The following NOS1AP variants were observed in gnomAD, a reference collection of about 807,000 sequenced individuals.
The protein encoded by NOS1AP is carboxyl-terminal PDZ ligand of neuronal nitric oxide synthase protein.
Under a neutral mutation model 56.2 loss-of-function variants are expected in NOS1AP, and 21 were observed. The observed-to-expected ratio is 0.37, with a 90% CI of 0.26 to 0.54. NOS1AP has a LOEUF of 0.54. NOS1AP is among the 20% of genes least tolerant of loss of function. The pLI is 0.84. For missense variants in NOS1AP, 522 were observed against 657.8 expected (o/e 0.79, Z 2.26); for synonymous variants, 270 against 274.6 (o/e 0.98, Z 0.17).
chr1:162,204,508 A>G (rs957226337), intron 2 of NOS1AP, among the ~76,000 whole-genome samples: 3 of 152,200 alleles, frequency 2.0e-5, no homozygotes, highest in Non-Finnish European at 2.9e-5. Flanking sequence ...AAGTGCAGCG[A>G]ATGGCCAGCC....
rs1285856757 is a variant in NOS1AP, at chr1:162,286,407, CT to C, written c.178-935del. Among the ~76,000 whole-genome samples the C allele has an allele frequency of 2.6e-5, 4 of 152,220 alleles. No homozygotes were observed. In the East Asian group the frequency reaches 7.7e-4, roughly 29 times the overall value. Reference sequence around the variant, plus strand: ...GTAGCCCAGATGTTTGATTGGAGAGCTTGCAAGTGAAGTTTGCTAGGCGGTG... The same window carrying C: ...GTAGCCCAGATGTTTGATTGGAGAGCTGCAAGTGAAGTTTGCTAGGCGGTG... On this transcript the variant is annotated intron_variant, in intron 2 of 9. Coordinates refer to ENST00000361897, the MANE Select transcript of NOS1AP (RefSeq NM_014697.3).
chr1:162,126,932 A>G (rs1022358075), intron 1 of NOS1AP, among the ~76,000 whole-genome samples: 1 of 152,192 alleles, frequency 6.6e-6, no homozygotes, highest in Non-Finnish European at 1.5e-5. Context: ...TCTCTATACC[A>G]TGGCCAACAG....
intron 2 of NOS1AP, among the ~76,000 whole-genome samples, chr1:162,166,593 C>G (rs535112578): frequency 1.6e-4 from 24 of 152,282 alleles, no homozygotes; most frequent in African/African-American, 5.8e-4. Flanking sequence ...TTTGTGTTAC[C>G]ATTACACTCT....
intron 1 of NOS1AP, among the ~76,000 whole-genome samples, chr1:162,084,467 A>C (rs1050511025): frequency 1.1e-4 from 17 of 152,090 alleles, no homozygotes; most frequent in African/African-American, 4.1e-4. Flanking sequence ...TGGTGGCAAA[A>C]GTTCAAGGTC....
chr1:162,264,252 C>T (rs946492848), intron 2 of NOS1AP, among the ~76,000 whole-genome samples: 4 of 152,068 alleles, frequency 2.6e-5, no homozygotes, highest in Non-Finnish European at 4.4e-5. Context: ...TCCTCTTCAG[C>T]CTCTTCTCCC....
chr1:162,211,535 A>G (rs1652347622), intron 2 of NOS1AP, among the ~76,000 whole-genome samples: 1 of 152,096 alleles, frequency 6.6e-6, no homozygotes, highest in Non-Finnish European at 1.5e-5. Context: ...TTGGTGGGGG[A>G]GGGACAATAC....
chr1:162,081,163 C>T (rs1691877240), intron 1 of NOS1AP, among the ~76,000 whole-genome samples: 1 of 152,038 alleles, frequency 6.6e-6, no homozygotes. Flanking sequence ...TTACAGTGGC[C>T]CCTATCCCAT....
chr1:162,196,065 G>T (rs375335973), intron 2 of NOS1AP, among the ~76,000 whole-genome samples: 11 of 152,350 alleles, frequency 7.2e-5, no homozygotes, highest in East Asian at 5.8e-4. Context: ...AGAGTTGGTT[G>T]TGTGAATGTG....
intron 2 of NOS1AP, among the ~76,000 whole-genome samples, chr1:162,168,640 G>C (rs3795645): frequency 1.8e-4 from 27 of 151,154 alleles, no homozygotes; most frequent in African/African-American, 6.3e-4. Flanking sequence ...TGGGCAGGGG[G>C]GTGTGTTTCT....
At chr1:162,282,457 T>C (rs1479688635) in intron 2 of NOS1AP, among the ~76,000 whole-genome samples, 1 of 152,080 alleles carries the variant, frequency 6.6e-6, no homozygotes, top group Non-Finnish European at 1.5e-5. Context: ...ATTCATCCAT[T>C]GATAGACATT....
intron 2 of NOS1AP, among the ~76,000 whole-genome samples, chr1:162,237,009 T>A (rs2101676032): frequency 6.6e-6 from 1 of 152,338 alleles, no homozygotes; most frequent in African/African-American, 2.4e-5. Context: ...GTATGTTTGA[T>A]GGAATTTATC....
At chr1:162,195,481 G>C (rs768217843) in intron 2 of NOS1AP, among the ~76,000 whole-genome samples, 1 of 152,092 alleles carries the variant, frequency 6.6e-6, no homozygotes, top group Admixed American at 6.5e-5. Flanking sequence ...CATATGACAG[G>C]CTCAGTATTT....
At chr1:162,148,070 TC>T (rs1649555591) in intron 1 of NOS1AP, among the ~76,000 whole-genome samples, 1 of 152,158 alleles carries the variant, frequency 6.6e-6, no homozygotes, top group Non-Finnish European at 1.5e-5. Context: ...CTGGCTTAGG[TC>T]CAATTGAAGT....
chr1:162,316,221 A>T (rs1013326429), intron 4 of NOS1AP, among the ~76,000 whole-genome samples: 12 of 152,252 alleles, frequency 7.9e-5, no homozygotes, highest in African/African-American at 2.9e-4. Context: ...TGTTAACATT[A>T]GAACATCAGA....
intron 2 of NOS1AP, among the ~76,000 whole-genome samples, chr1:162,219,420 TC>T (rs1396008593): frequency 1.3e-5 from 2 of 152,192 alleles, no homozygotes; most frequent in African/African-American, 4.8e-5. Context: ...TCTGCCTCTT[TC>T]TTTTTTAAAC....
chr1:162,260,684 CTCT>C (rs1654180058), intron 2 of NOS1AP, among the ~76,000 whole-genome samples: 1 of 152,170 alleles, frequency 6.6e-6, no homozygotes, highest in Admixed American at 6.5e-5. Flanking sequence ...AAAGGCTAAA[CTCT>C]TAGTGATCAC....
chr1:162,243,311 A>G (rs1229086509), intron 2 of NOS1AP, among the ~76,000 whole-genome samples: 2 of 152,168 alleles, frequency 1.3e-5, no homozygotes, highest in Non-Finnish European at 2.9e-5. Flanking sequence ...GAGGAAGGCA[A>G]TGATGAGGGG....
At chr1:162,303,872 G>A (rs1266653661) in intron 4 of NOS1AP, among the ~76,000 whole-genome samples, 2 of 139,746 alleles carry the variant, frequency 1.4e-5, no homozygotes, top group Admixed American at 7.1e-5. Context: ...CAAATACATG[G>A]TTTACAAACA....
At chr1:162,319,066 C>T (rs1377664890) in intron 4 of NOS1AP, among the ~76,000 whole-genome samples, 1 of 152,190 alleles carries the variant, frequency 6.6e-6, no homozygotes, top group Non-Finnish European at 1.5e-5. Flanking sequence ...GCTGCATAGA[C>T]TGTGCTGTGC....
Sources: allele counts gnomAD v4.1 joint callset (sites outside exome capture counted in the v4.1 genomes callset), GRCh38; gene constraint gnomAD v4.1.1; transcripts MANE v1.5; gene names NCBI Gene and HGNC (gene_info 2026-07-23, HGNC 2026-07-21).